Variants in NREP observed in about 807,000 individuals in gnomAD.
NREP encodes neuronal regeneration related protein, also known as neuronal regeneration-related protein.
In NREP, 5 loss-of-function variants were observed where a neutral mutation model predicts 8.6. The observed-to-expected ratio is 0.58, with a 90% CI of 0.30 to 1.22. NREP has a LOEUF of 1.22. Among genes scored for constraint, NREP ranks in the 50% most tolerant of loss-of-function variants. NREP has a pLI of 0.07. For missense variants in NREP, 86 were observed against 82.5 expected (o/e 1.04, Z -0.17); for synonymous variants, 27 against 28.0 (o/e 0.96, Z 0.11).
chr5:111,914,626 G>A (rs978894962), intron 2 of NREP, among the ~76,000 whole-genome samples: 5 of 151,874 alleles, frequency 3.3e-5, no homozygotes, highest in African/African-American at 7.3e-5. Flanking sequence ...TTTTTTCGTT[G>A]TACTCTCCTG....
intron 2 of NREP, among the ~76,000 whole-genome samples, chr5:111,888,346 G>T (rs1347803667): frequency 6.6e-6 from 1 of 151,598 alleles, no homozygotes; most frequent in Non-Finnish European, 1.5e-5. Context: ...GGGTGGCGGG[G>T]GGGGTCTCAG....
intron 2 of NREP, among the ~76,000 whole-genome samples, chr5:111,964,871 A>AG (rs1561372200): frequency 8.7e-6 from 1 of 114,902 alleles, no homozygotes; most frequent in African/African-American, 5.5e-5. Flanking sequence ...AAAAAAAAAA[A>AG]AAAAAAAAAA....
intron 2 of NREP, among the ~76,000 whole-genome samples, chr5:111,855,990 C>G (rs532040034): frequency 6.6e-6 from 1 of 152,166 alleles, no homozygotes; most frequent in East Asian, 1.9e-4. Flanking sequence ...CATGGACAGA[C>G]CCTGGGTGGG....
chr5:111,881,697 C>G (rs1392474391), intron 2 of NREP, among the ~76,000 whole-genome samples: 1 of 152,164 alleles, frequency 6.6e-6, no homozygotes, highest in Non-Finnish European at 1.5e-5. Context: ...CTGCAGCCAC[C>G]TCTGCAGATA....
At chr5:111,902,738 G>C (rs1754675914) in intron 2 of NREP, among the ~76,000 whole-genome samples, 1 of 152,136 alleles carries the variant, frequency 6.6e-6, no homozygotes, top group South Asian at 2.1e-4. Context: ...CTTCACCAGA[G>C]AGTCCTCTTC....
intron 2 of NREP, among the ~76,000 whole-genome samples, chr5:111,781,431 A>C (rs1751491063): frequency 6.6e-6 from 1 of 152,114 alleles, no homozygotes; most frequent in African/African-American, 2.4e-5. Context: ...ACCACTAAAA[A>C]TGTGGGCAAG....
chr5:111,803,813 T>C (rs1453939092), intron 2 of NREP, among the ~76,000 whole-genome samples: 1 of 152,126 alleles, frequency 6.6e-6, no homozygotes, highest in Non-Finnish European at 1.5e-5. Context: ...ATTATGCAGG[T>C]ACAAAAGATG....
At chr5:111,886,596 G>A (rs572149018) in intron 2 of NREP, among the ~76,000 whole-genome samples, 1 of 151,038 alleles carries the variant, frequency 6.6e-6, no homozygotes, top group East Asian at 1.9e-4. Context: ...TGATAGACTG[G>A]ATTAAGAAAA....
chr5:111,862,940 T>C (rs1256582651), intron 2 of NREP, among the ~76,000 whole-genome samples: 2 of 149,988 alleles, frequency 1.3e-5, no homozygotes, highest in Non-Finnish European at 3.0e-5. Context: ...GGATACTAGA[T>C]CAGCTAGGGC....
intron 2 of NREP, chr5:111,755,472 A>T: frequency 2.5e-6 from 1 of 395,880 alleles, no homozygotes; most frequent in Non-Finnish European, 4.8e-6. Flanking sequence ...ACAACACATC[A>T]CTCTTCTTAA....
chr5:111,915,947 C>T (rs1310799230), intron 2 of NREP, among the ~76,000 whole-genome samples: 1 of 152,068 alleles, frequency 6.6e-6, no homozygotes, highest in East Asian at 1.9e-4. Context: ...TCCACGATCA[C>T]CTTGTTGTGC....
At chr5:111,738,180 GATCT>G (rs530150153) in intron 2 of NREP, 39 of 152,278 alleles carry the variant, frequency 2.6e-4, no homozygotes, top group Non-Finnish European at 4.7e-4. Flanking sequence ...AAACAAATAT[GATCT>G]ATCTGCATTA....
chr5:111,797,348 G>C (rs574258416), intron 2 of NREP, among the ~76,000 whole-genome samples: 3 of 152,220 alleles, frequency 2.0e-5, no homozygotes, highest in Admixed American at 2.0e-4. Flanking sequence ...AATTATGATG[G>C]AGGAATACTA....
chr5:111,804,505 T>A (rs1283363544), intron 2 of NREP, among the ~76,000 whole-genome samples: 1 of 152,176 alleles, frequency 6.6e-6, no homozygotes, highest in East Asian at 1.9e-4. Flanking sequence ...TGTGTGTATG[T>A]GTATGTATAA....
chr5:111,974,333 G>A (rs780563655), intron 2 of NREP: 1 of 152,218 alleles, frequency 6.6e-6, no homozygotes, highest in Non-Finnish European at 1.5e-5. Context: ...CAAAGAAATA[G>A]ATGTGGAAAC....
chr5:111,774,372 A>C (rs1448245971), intron 2 of NREP, among the ~76,000 whole-genome samples: 1 of 152,142 alleles, frequency 6.6e-6, no homozygotes, highest in Non-Finnish European at 1.5e-5. Flanking sequence ...TATAACCTCC[A>C]AATATGTTAC....
At chr5:111,871,891 T>A (rs1175716784) in intron 2 of NREP, among the ~76,000 whole-genome samples, 11 of 149,180 alleles carry the variant, frequency 7.4e-5, no homozygotes, top group African/African-American at 2.7e-4. Context: ...TCTCGTTCTA[T>A]ATAGCATAAC....
chr5:111,882,229 A>G (rs915469380), intron 2 of NREP, among the ~76,000 whole-genome samples: 1 of 152,238 alleles, frequency 6.6e-6, no homozygotes, highest in African/African-American at 2.4e-5. Flanking sequence ...AAAGGGTATC[A>G]GTGATGGAAG....
intron 2 of NREP, among the ~76,000 whole-genome samples, chr5:111,902,537 G>A (rs951614861): frequency 6.6e-6 from 1 of 152,156 alleles, no homozygotes; most frequent in Non-Finnish European, 1.5e-5. Context: ...GCTACCACGA[G>A]GTAGAAAGAA....
Sources: allele counts gnomAD v4.1 joint callset (sites outside exome capture counted in the v4.1 genomes callset), GRCh38; gene constraint gnomAD v4.1.1; transcripts MANE v1.5; gene names NCBI Gene and HGNC (gene_info 2026-07-23, HGNC 2026-07-21).